Variants in SLC13A1 observed in about 807,000 individuals in gnomAD.
The protein encoded by SLC13A1 is Na(+)/sulfate cotransporter.
SLC13A1 carries 65 observed loss-of-function variants against 70.0 expected under a neutral mutation model. That is an observed-to-expected ratio of 0.93 (90% CI 0.76 to 1.14). SLC13A1 has a LOEUF of 1.14. Among genes scored for constraint, SLC13A1 ranks in the 50% most tolerant of loss-of-function variants. The pLI is 0.00. For missense variants in SLC13A1, 726 were observed against 717.8 expected, an observed-to-expected ratio of 1.01 and a Z score of -0.13; for synonymous variants, 275 against 250.5, an observed-to-expected ratio of 1.10 and a Z score of -0.92.
At chr7:123,199,598 T>C (rs1563362838) in intron 1 of SLC13A1, among the ~76,000 whole-genome samples, 2 of 152,098 alleles carry the variant, frequency 1.3e-5, no homozygotes, top group Non-Finnish European at 2.9e-5. Flanking sequence ...TCTCATCTAG[T>C]TGATAGGCAG....
intron 1 of SLC13A1, among the ~76,000 whole-genome samples, chr7:123,193,763 C>T (rs762809724): frequency 1.2e-4 from 19 of 152,070 alleles, no homozygotes; most frequent in Non-Finnish European, 2.5e-4. Context: ...TTCTAATTGT[C>T]GCTATGAGGC....
At position 123,115,612 on chromosome 7, in the gene SLC13A1, A is replaced by G. The variant is rs781020408; in HGVS notation, c.1694T>C (p.Val565Ala). 6.2e-7 allele frequency: 1 copy of G among 1,613,836 alleles called. No individual in the cohort carries two copies. The highest frequency in any genetic ancestry group is 8.5e-7 in the Non-Finnish European group (1 of 1,179,850). ...LGVNIVGVAV[V>A]MLGICTWIVP... ...AATCCAAGTACATATGCCAAGCATA[A>G]CCACAGCAACACCAACAATGTTGAC... The change falls in exon 15 of 15, where the codon GTT becomes GCT. Residue 565 changes from valine (V) to alanine (A), a missense_variant. Val to Ala is a moderately conservative substitution (Grantham distance 64). Transcript: ENST00000194130.
At chr7:123,174,585 C>T (rs1182727695) in intron 2 of SLC13A1, among the ~76,000 whole-genome samples, 1 of 152,038 alleles carries the variant, frequency 6.6e-6, no homozygotes, top group East Asian at 1.9e-4. Flanking sequence ...ACTGTATGAT[C>T]GATCTTTTTC....
chr7:123,148,230 G>GATA (rs1436778673), intron 6 of SLC13A1, among the ~76,000 whole-genome samples: 1 of 152,090 alleles, frequency 6.6e-6, no homozygotes, highest in Non-Finnish European at 1.5e-5. Flanking sequence ...TGTCATTTAA[G>GATA]ATAACATTTG....
At position 123,172,150 on chromosome 7, in the gene SLC13A1, T is replaced by C. The variant is rs78869469; in HGVS notation, c.229-246A>G. The stretch of plus-strand genomic sequence containing the variant: ...AGGGTTATTAAATAGCTGAGTAACA[T>C]CAGGTAAGTGCTTTTCTATTGGGGC... On this transcript the variant is annotated intron_variant, in intron 2 of 14. Transcript: ENST00000194130. 3.7e-3 allele frequency among the ~76,000 whole-genome samples: 570 copies of C among 152,284 alleles called. 4 individuals carry two copies. Among genetic ancestry groups the C allele is most frequent in the African/African-American group, 0.013 (520 of 41,564 alleles).
intron 7 of SLC13A1, among the ~76,000 whole-genome samples, chr7:123,146,794 A>C (rs1554547207): frequency 6.6e-6 from 1 of 152,190 alleles, no homozygotes; most frequent in Non-Finnish European, 1.5e-5. Context: ...TTAAGTTCAC[A>C]TGTTGGTCCC....
intron 7 of SLC13A1, among the ~76,000 whole-genome samples, chr7:123,141,525 T>C (rs1339556271): frequency 1.3e-5 from 2 of 152,134 alleles, no homozygotes; most frequent in Admixed American, 6.6e-5. Flanking sequence ...TCTTTAGCTA[T>C]TATTGTATTG....
chr7:123,161,745 C>CTAGT (rs1480556301), intron 6 of SLC13A1, among the ~76,000 whole-genome samples: 5 of 152,074 alleles, frequency 3.3e-5, no homozygotes, highest in Non-Finnish European at 5.9e-5. Flanking sequence ...CATACCTTAA[C>CTAGT]TAGTGCAAGT....
intron 6 of SLC13A1, among the ~76,000 whole-genome samples, chr7:123,166,049 G>A (rs1373824225): frequency 6.6e-6 from 1 of 151,940 alleles, no homozygotes; most frequent in Non-Finnish European, 1.5e-5. Flanking sequence ...CTTCCTCGCT[G>A]CAGTACTCCC....
chr7:123,189,039 C>T (rs1470724082), intron 1 of SLC13A1, among the ~76,000 whole-genome samples: 15 of 130,774 alleles, frequency 1.1e-4, no homozygotes, highest in Admixed American at 2.7e-4. Context: ...GGCGTGAACC[C>T]GGGAGGCGGA....
intron 7 of SLC13A1, among the ~76,000 whole-genome samples, chr7:123,135,542 T>C (rs1793923463): frequency 6.6e-6 from 1 of 152,196 alleles, no homozygotes; most frequent in Non-Finnish European, 1.5e-5. Flanking sequence ...TAGAACTTTA[T>C]AGAAATATTG....
At chr7:123,152,356 C>T (rs1349324014) in intron 6 of SLC13A1, among the ~76,000 whole-genome samples, 1 of 152,008 alleles carries the variant, frequency 6.6e-6, no homozygotes, top group Admixed American at 6.6e-5. Flanking sequence ...TTTGGGGGTA[C>T]ATATATCCAG....
At chr7:123,139,268 G>A (rs544949081) in intron 7 of SLC13A1, among the ~76,000 whole-genome samples, 1 of 151,974 alleles carries the variant, frequency 6.6e-6, no homozygotes, top group Non-Finnish European at 1.5e-5. Context: ...TGTTCCATTG[G>A]TCTATGTGTC....
intron 7 of SLC13A1, among the ~76,000 whole-genome samples, chr7:123,142,710 C>T (rs1794200720): frequency 7.3e-6 from 1 of 137,474 alleles, no homozygotes; most frequent in South Asian, 2.3e-4. Flanking sequence ...CTCTGCCTCC[C>T]AAATTCAAGC....
At chr7:123,165,453 T>C (rs1290797858) in intron 6 of SLC13A1, among the ~76,000 whole-genome samples, 1 of 152,168 alleles carries the variant, frequency 6.6e-6, no homozygotes, top group Non-Finnish European at 1.5e-5. Flanking sequence ...TTCTAATCAA[T>C]GGCATCACAA....
At chr7:123,133,532 T>TTTAC (rs1253146530) in intron 8 of SLC13A1, among the ~76,000 whole-genome samples, 1 of 151,818 alleles carries the variant, frequency 6.6e-6, no homozygotes, top group African/African-American at 2.4e-5. Flanking sequence ...AATCTTTATT[T>TTTAC]TTATTTATTT....
intron 2 of SLC13A1, among the ~76,000 whole-genome samples, chr7:123,177,672 A>G (rs1415440990): frequency 2.0e-5 from 3 of 152,084 alleles, no homozygotes; most frequent in Non-Finnish European, 4.4e-5. Context: ...TGCTCCAAAT[A>G]TTCAAATGGC....
At chr7:123,159,299 T>C (rs964384152) in intron 6 of SLC13A1, among the ~76,000 whole-genome samples, 4 of 152,194 alleles carry the variant, frequency 2.6e-5, no homozygotes, top group Admixed American at 1.3e-4. Flanking sequence ...AAAGGGCCTT[T>C]ACAGAGGTAA....
At chr7:123,120,990 T>C (rs926067080) in intron 12 of SLC13A1, among the ~76,000 whole-genome samples, 2 of 152,116 alleles carry the variant, frequency 1.3e-5, no homozygotes, top group African/African-American at 4.8e-5. Flanking sequence ...TCAAAGTCTC[T>C]AGCTCTAAGA....
Sources: allele counts gnomAD v4.1 joint callset (sites outside exome capture counted in the v4.1 genomes callset), GRCh38; gene constraint gnomAD v4.1.1; transcripts MANE v1.5; gene names NCBI Gene and HGNC (gene_info 2026-07-23, HGNC 2026-07-21).